The following PAPPA2 variants were observed in gnomAD, a reference collection of about 807,000 sequenced individuals.
PAPPA2 encodes pappalysin 2.
A neutral mutation model predicts 176.4 loss-of-function variants in PAPPA2; 86 were observed. The ratio of observed to expected loss-of-function variants is 0.49; its 90% confidence interval spans 0.41 to 0.58. The LOEUF (loss-of-function observed/expected upper bound fraction) is 0.58. PAPPA2 is among the 20% of genes least tolerant of loss of function. The pLI is 0.00. For synonymous variants in PAPPA2, 809 were observed against 852.2 expected, an observed-to-expected ratio of 0.95 and a Z score of 0.88; for missense variants, 2,073 against 2,256.9, an observed-to-expected ratio of 0.92 and a Z score of 1.65.
intron 12 of PAPPA2, 125 bp downstream of exon 12, chr1:176,712,106 C>G: frequency 8.5e-7 from 1 of 1,183,328 alleles, no homozygotes; most frequent in African/African-American, 1.5e-5. Context: ...TTTGTTATCT[C>G]AAAGTGTTAA....
chr1:176,464,083 C>T, intron 1 of PAPPA2, among the ~76,000 whole-genome samples: 1 of 152,120 alleles, frequency 6.6e-6, no homozygotes, highest in East Asian at 1.9e-4. Flanking sequence ...TTGTCCAGAT[C>T]AAAAATAGAA....
At chr1:176,838,713 T>G (rs1166748691) in intron 21 of PAPPA2, among the ~76,000 whole-genome samples, 1 of 152,216 alleles carries the variant, frequency 6.6e-6, no homozygotes, top group Non-Finnish European at 1.5e-5. Flanking sequence ...AAATGCTCAT[T>G]ACAGAATCTT....
At chr1:176,689,755 G>A (rs985857535) in intron 4 of PAPPA2, among the ~76,000 whole-genome samples, 5 of 152,122 alleles carry the variant, frequency 3.3e-5, no homozygotes, top group East Asian at 1.9e-4. Flanking sequence ...TAAAAATGTC[G>A]TTTTGTGAAC....
intron 12 of PAPPA2, among the ~76,000 whole-genome samples, chr1:176,721,209 T>G (rs895863995): frequency 6.6e-6 from 1 of 152,244 alleles, no homozygotes; most frequent in Non-Finnish European, 1.5e-5. Context: ...TGGTTAGTCT[T>G]GAGGTTGCAA....
intron 2 of PAPPA2, among the ~76,000 whole-genome samples, chr1:176,559,181 CTT>C (rs916268444): frequency 2.4e-4 from 37 of 152,326 alleles, no homozygotes; most frequent in Non-Finnish European, 4.3e-4. Context: ...CGTCTGAACT[CTT>C]TTAACCGTAA....
Position 176,769,629 on chromosome 1 carries a change from C to T in PAPPA2, c.4346C>T (p.Ser1449Phe). ...TAGAAGGAAATTCTGCTCACATGTT[C>T]TTCTGGGCACTGGGACCAGAATGTG... ...PMQKEILLTC[S>F]SGHWDQNVSC... Residue 1449 changes from serine (S) to phenylalanine (F), a missense_variant, in exon 16 of 23, where the codon TCT (serine) becomes TTT (phenylalanine). This residue lies in a region of PAPPA2 where 846 missense variants were observed against 857.9 expected (regional missense o/e 0.99). Coordinates refer to ENST00000367662, the MANE Select transcript of PAPPA2 (RefSeq NM_020318.3). 6.2e-7 allele frequency: 1 copy of T among 1,613,280 alleles called. No homozygotes were observed. The highest frequency in any genetic ancestry group is 8.5e-7 in the Non-Finnish European group (1 of 1,179,822).
chr1:176,470,351 C>A (rs1651815047), intron 1 of PAPPA2, among the ~76,000 whole-genome samples: 1 of 152,166 alleles, frequency 6.6e-6, no homozygotes, highest in Non-Finnish European at 1.5e-5. Flanking sequence ...GGTAAGAATT[C>A]TCACCTCTGT....
intron 2 of PAPPA2, among the ~76,000 whole-genome samples, chr1:176,571,187 C>T (rs1652307542): frequency 6.6e-6 from 1 of 152,208 alleles, no homozygotes; most frequent in Non-Finnish European, 1.5e-5. Flanking sequence ...GTTCCTTTCT[C>T]TTCTCTCCAC....
intron 3 of PAPPA2, among the ~76,000 whole-genome samples, chr1:176,618,874 A>C (rs1655426960): frequency 6.6e-6 from 1 of 152,172 alleles, no homozygotes; most frequent in Non-Finnish European, 1.5e-5. Context: ...GGGGGCATAA[A>C]TTATAACTAG....
chr1:176,547,051 A>T (rs1650675952), intron 1 of PAPPA2, among the ~76,000 whole-genome samples: 1 of 152,228 alleles, frequency 6.6e-6, no homozygotes, highest in East Asian at 1.9e-4. Flanking sequence ...GGTAAAAGTT[A>T]ATTAATAACC....
chr1:176,510,810 T>TACAC (rs200808228), intron 1 of PAPPA2, among the ~76,000 whole-genome samples: 3,002 of 126,504 alleles, frequency 0.024, 61 homozygotes, highest in African/African-American at 0.051. Flanking sequence ...AAGCAACACA[T>TACAC]ACACACACAC....
chr1:176,584,257 G>A (rs1001604767), intron 2 of PAPPA2, among the ~76,000 whole-genome samples: 1 of 152,028 alleles, frequency 6.6e-6, no homozygotes, highest in South Asian at 2.1e-4. Flanking sequence ...ACTGAGAATG[G>A]GTATTGGGGT....
intron 3 of PAPPA2, among the ~76,000 whole-genome samples, chr1:176,662,292 A>T (rs1558503909): frequency 6.6e-6 from 1 of 152,184 alleles, no homozygotes; most frequent in Non-Finnish European, 1.5e-5. Flanking sequence ...TTACATGAGA[A>T]AATATATACA....
At chr1:176,584,186 T>C (rs1653150455) in intron 2 of PAPPA2, among the ~76,000 whole-genome samples, 1 of 152,234 alleles carries the variant, frequency 6.6e-6, no homozygotes, top group Non-Finnish European at 1.5e-5. Context: ...ATTCAGTCTA[T>C]AGACCAGTTC....
chr1:176,594,389 G>C, intron 2 of PAPPA2, 135 bp from the exon 3 acceptor site: 1 of 735,000 alleles, frequency 1.4e-6, no homozygotes. Context: ...TCTCAGGTGA[G>C]AAATCTGTGT....
intron 1 of PAPPA2, among the ~76,000 whole-genome samples, chr1:176,478,031 G>A (rs932657484): frequency 9.2e-5 from 14 of 152,120 alleles, no homozygotes; most frequent in African/African-American, 3.4e-4. Context: ...GACCATCTAG[G>A]CAATACCTAA....
chr1:176,755,581 TAGAG>T (rs1412152556), intron 14 of PAPPA2, among the ~76,000 whole-genome samples: 1 of 152,148 alleles, frequency 6.6e-6, no homozygotes, highest in Non-Finnish European at 1.5e-5. Flanking sequence ...GAATAAATAA[TAGAG>T]AGAGAGTCAG....
chr1:176,579,835 G>T (rs1340968532), intron 2 of PAPPA2, among the ~76,000 whole-genome samples: 1 of 152,098 alleles, frequency 6.6e-6, no homozygotes, highest in East Asian at 1.9e-4. Flanking sequence ...TACATTTATG[G>T]TAGAGGTTAA....
intron 4 of PAPPA2, among the ~76,000 whole-genome samples, chr1:176,678,009 A>G (rs1659392278): frequency 6.6e-6 from 1 of 152,202 alleles, no homozygotes; most frequent in South Asian, 2.1e-4. Context: ...TGCTGAAAGC[A>G]TTAACGAAGA....
Sources: allele counts gnomAD v4.1 joint callset (sites outside exome capture counted in the v4.1 genomes callset), GRCh38; gene constraint gnomAD v4.1.1; regional missense constraint gnomAD v4.1.1; transcripts MANE v1.5; gene names NCBI Gene and HGNC (gene_info 2026-07-23, HGNC 2026-07-21).